The following UGT1A5 variants were observed in gnomAD, a reference collection of about 807,000 sequenced individuals.
The protein encoded by UGT1A5 is UDP glucuronosyltransferase family 1 member A5, also known as UDP-glucuronosyltransferase 1A5.
Under a neutral mutation model 40.3 loss-of-function variants are expected in UGT1A5, and 29 were observed. The ratio of observed to expected loss-of-function variants is 0.72; its 90% CI spans 0.54 to 0.98. The LOEUF is 0.98. Among genes scored for constraint, UGT1A5 ranks in the 50% least tolerant of loss-of-function variants. UGT1A5 has a pLI of 0.00. For synonymous variants in UGT1A5, 257 were observed against 262.5 expected, an observed-to-expected ratio of 0.98 and a Z score of 0.20; for missense variants, 678 against 677.9, an observed-to-expected ratio of 1.00 and a Z score of 0.00.
intron 1 of UGT1A5, among the ~76,000 whole-genome samples, chr2:233,751,632 T>C (rs1694768911): frequency 1.3e-5 from 2 of 152,196 alleles, no homozygotes; most frequent in Non-Finnish European, 2.9e-5. Context: ...ATGTGTGCAG[T>C]TTCCCCCTTG....
At chr2:233,766,342 AGTGGCCTGCC>A (rs1699121690) in intron 1 of UGT1A5, among the ~76,000 whole-genome samples, 1 of 152,026 alleles carries the variant, frequency 6.6e-6, no homozygotes, top group Non-Finnish European at 1.5e-5. Flanking sequence ...TCTGCTGGTC[AGTGGCCTGCC>A]GGTGCCTGTT....
chr2:233,718,763 A>G (rs2076681520), intron 1 of UGT1A5: 3 of 1,612,572 alleles, frequency 1.9e-6, no homozygotes, highest in Non-Finnish European at 1.7e-6. Flanking sequence ...GGCGAAGGAA[A>G]CAAATGTAGC....
intron 1 of UGT1A5, among the ~76,000 whole-genome samples, chr2:233,732,641 C>A (rs1039545438): frequency 3.9e-5 from 6 of 152,094 alleles, no homozygotes; most frequent in African/African-American, 1.4e-4. Context: ...TTTCTGAGAC[C>A]ACTGTTCTGC....
chr2:233,758,652 G>A (rs1363541572), intron 1 of UGT1A5, among the ~76,000 whole-genome samples: 2 of 152,076 alleles, frequency 1.3e-5, no homozygotes, highest in Non-Finnish European at 2.9e-5. Context: ...GAATGAGAGG[G>A]TACCCTAATT....
chr2:233,747,868 C>A, intron 1 of UGT1A5: 1 of 1,613,534 alleles, frequency 6.2e-7, no homozygotes, highest in South Asian at 1.1e-5. Flanking sequence ...TACCCTCTGG[C>A]CCTGTCCTAC....
In UGT1A5 at chr2:233,769,858, A is replaced by AC. The variant is rs557718673; in HGVS notation, c.1307+1419_1307+1420insC. The AC allele has an allele frequency of 9.4e-6, 1 of 106,936 alleles. No individual in the cohort carries two copies. Among genetic ancestry groups the AC allele is most frequent in the Non-Finnish European group, 1.7e-5 (1 of 60,026 alleles). 6.6% of individuals were successfully genotyped at this position (106,936 alleles called of 1,614,324 possible). On this transcript the variant is annotated intron_variant, in intron 4 of 4. Transcript: ENST00000373414. This position sits in a 1 kb window ranked among gnomAD's most constrained non-coding sequence, Gnocchi z 4.4. Reference sequence around the variant, plus strand: ...GGGCAACAGAGTGAGACCCTGTCTCAAAAAAAAAAAAAAAAATGAAAAGTC... The same window carrying AC: ...GGGCAACAGAGTGAGACCCTGTCTCACAAAAAAAAAAAAAAAATGAAAAGTC...
chr2:233,722,092 G>A, intron 1 of UGT1A5: 1 of 213,982 alleles, frequency 4.7e-6, no homozygotes, highest in South Asian at 7.6e-5. Context: ...GATCACCTTA[G>A]GCCTCTTAGA....
chr2:233,754,653 C>A, intron 1 of UGT1A5: 1 of 456,442 alleles, frequency 2.2e-6, no homozygotes, highest in Non-Finnish European at 4.4e-6. Flanking sequence ...CTCAATGATT[C>A]TCTTGGTGGT....
intron 1 of UGT1A5, among the ~76,000 whole-genome samples, chr2:233,724,320 G>T (rs1387925983): frequency 6.8e-6 from 1 of 147,864 alleles, no homozygotes; most frequent in Non-Finnish European, 1.5e-5. Flanking sequence ...GGACGGGGCG[G>T]CTGGCCAGGC....
intron 1 of UGT1A5, among the ~76,000 whole-genome samples, chr2:233,766,276 CCCGGGCTCG>C (rs1699094963): frequency 2.0e-5 from 3 of 151,848 alleles, no homozygotes; most frequent in Non-Finnish European, 1.5e-5. Flanking sequence ...GGCTCGGTGG[CCCGGGCTCG>C]GTGGCCTGGG....
chr2:233,756,931 T>G (rs1696359277), intron 1 of UGT1A5, among the ~76,000 whole-genome samples: 1 of 152,070 alleles, frequency 6.6e-6, no homozygotes, highest in Non-Finnish European at 1.5e-5. Context: ...AACCTCTAGT[T>G]ACATAACCTG....
chr2:233,748,190 C>T (rs1370576625), intron 1 of UGT1A5: 2 of 1,559,306 alleles, frequency 1.3e-6, no homozygotes, highest in South Asian at 1.2e-5. Flanking sequence ...GCTTTTATTT[C>T]TGCTTGTCGT....
chr2:233,730,094 A>T, intron 1 of UGT1A5: 1 of 1,593,062 alleles, frequency 6.3e-7, no homozygotes, highest in Non-Finnish European at 8.5e-7. Context: ...ATCTTTCCAA[A>T]TATTTCATTT....
intron 1 of UGT1A5, among the ~76,000 whole-genome samples, chr2:233,764,774 A>C (rs1698642300): frequency 6.6e-6 from 1 of 152,202 alleles, no homozygotes; most frequent in African/African-American, 2.4e-5. Context: ...GAAGGAGTTC[A>C]GAAAAACCAT....
chr2:233,755,337 A>G (rs1695871666), intron 1 of UGT1A5: 2 of 434,782 alleles, frequency 4.6e-6, no homozygotes, highest in Admixed American at 3.7e-5. Flanking sequence ...ACCCGCGCAC[A>G]GGTCAGAGGC....
At chr2:233,768,582 C>CTTTTTTTTTTTTT (rs139595073) in intron 4 of UGT1A5, 143 bp downstream of exon 4, 1 of 867,188 alleles carries the variant, frequency 1.2e-6, no homozygotes, top group Non-Finnish European at 1.4e-6. Context: ...TTTATTTCTT[C>CTTTTTTTTTTTTT]TTTTTTTTTT....
chr2:233,719,514 G>T, intron 1 of UGT1A5: 1 of 1,613,922 alleles, frequency 6.2e-7, no homozygotes, highest in Non-Finnish European at 8.5e-7. Context: ...TGCCCCTTAT[G>T]CAAGTCTTGC....
Position 233,713,858 on chromosome 2 carries a change from G to C in UGT1A5, c.867G>C (p.Gln289His), listed in dbSNP as rs1294382978. 3.1e-6 allele frequency: 5 copies of C among 1,613,740 alleles called. No homozygotes were observed. Among genetic ancestry groups the C allele is most frequent in the African/African-American group, 1.3e-5 (1 of 74,892 alleles). ...INCANGKPLS[Q>H]EFEAYINASG... The stretch of plus-strand genomic sequence containing the variant: ...GTGCCAACGGGAAGCCACTATCTCA[G>C]GTCTGTATTGGTGCCTTTATCCAAT... The change falls in exon 1 of 5, where the codon CAG becomes CAC. Residue 289 changes from glutamine (Q) to histidine (H), a missense_variant and splice_region_variant. Coordinates refer to ENST00000373414, the MANE Select transcript of UGT1A5 (RefSeq NM_019078.2).
rs567256454 is a variant in UGT1A5 at position 233,740,487 on chromosome 2, A to G, written c.868-26547A>G. Among the ~76,000 whole-genome samples the G allele has an allele frequency of 3.4e-4, 52 of 152,072 alleles. 1 individual carries two copies. In the South Asian group the frequency reaches 4.6e-3, roughly 13 times the overall value. The stretch of plus-strand genomic sequence containing the variant: ...GACAGAAAGGATCATTCCCTCTTCC[A>G]GATGCTTTCCAGTGTGTGATGTAAG... On this transcript the variant is annotated intron_variant, in intron 1 of 4. Transcript: ENST00000373414.
Sources: allele counts gnomAD v4.1 joint callset (sites outside exome capture counted in the v4.1 genomes callset), GRCh38; gene constraint gnomAD v4.1.1; non-coding constraint Gnocchi (gnomAD v3.1); transcripts MANE v1.5; gene names NCBI Gene and HGNC (gene_info 2026-07-23, HGNC 2026-07-21).